Variants in CLDN2 observed in about 807,000 individuals in gnomAD.
CLDN2 encodes the protein claudin 2, also known as claudin-2.
In CLDN2, 1 loss-of-function variant was observed where a neutral mutation model predicts 8.2. The ratio of observed to expected loss-of-function variants is 0.12; its 90% CI spans 0.04 to 0.58. CLDN2 has a LOEUF of 0.58. CLDN2 is among the 20% of genes least tolerant of loss of function. CLDN2 has a pLI of 0.90. For missense variants in CLDN2, 108 were observed against 172.9 expected (o/e 0.62, Z 2.11); for synonymous variants, 70 against 70.2 (o/e 1.00, Z 0.01).
chrX:106,925,343 C>T (rs1019713840), intron 1 of CLDN2, among the ~76,000 whole-genome samples: 3 of 112,209 alleles, frequency 2.7e-5, no homozygotes, highest in Non-Finnish European at 1.9e-5. Flanking sequence ...GACATCTGTG[C>T]TGAATCCTAA....
chrX:106,905,628 A>G (rs1933168807), intron 1 of CLDN2, among the ~76,000 whole-genome samples: 1 of 111,547 alleles, frequency 9.0e-6, no homozygotes, highest in African/African-American at 3.3e-5. Flanking sequence ...GAAGCACAAC[A>G]CCTGTTGTCA....
At chrX:106,917,152 G>A (rs1025762630), upstream of CLDN2, among the ~76,000 whole-genome samples, 3 of 112,380 alleles carry the variant, frequency 2.7e-5, no homozygotes, top group Non-Finnish European at 3.8e-5. Context: ...TTTGGAAGTC[G>A]TCAGATGATA....
intron 1 of CLDN2, chrX:106,903,034 T>C: frequency 1.0e-6 from 1 of 959,043 alleles, no homozygotes; most frequent in Non-Finnish European, 1.5e-6. Context: ...GCTTTTCCCC[T>C]TCACAGAGAA....
At chrX:106,905,557 C>T in intron 1 of CLDN2, among the ~76,000 whole-genome samples, 1 of 111,618 alleles carries the variant, frequency 9.0e-6, no homozygotes, top group Non-Finnish European at 1.9e-5. Flanking sequence ...AGGAGTGTGG[C>T]TCAGAGAGGG....
chrX:106,919,315 T>C (rs1023516385), upstream of CLDN2, among the ~76,000 whole-genome samples: 2 of 112,135 alleles, frequency 1.8e-5, no homozygotes, highest in South Asian at 3.8e-4. Flanking sequence ...TAATTCATTT[T>C]CTGAATTCTT....
At chrX:106,900,923 G>A in intron 1 of CLDN2, 2 of 1,205,698 alleles carry the variant, frequency 1.7e-6, no homozygotes, top group Non-Finnish European at 2.2e-6. Context: ...GGACAGAGAA[G>A]AAACATGGCC....
chrX:106,901,132 G>T (rs1933086959), intron 1 of CLDN2, among the ~76,000 whole-genome samples: 1 of 112,076 alleles, frequency 8.9e-6, no homozygotes. Context: ...TGGGTCGGGG[G>T]CCAGCCCCAG....
chrX:106,916,214 C>T (rs763573608), upstream of CLDN2, among the ~76,000 whole-genome samples: 2 of 110,857 alleles, frequency 1.8e-5, no homozygotes, highest in African/African-American at 3.3e-5. Context: ...CAAGAGACCC[C>T]AGGAATCAGG....
chrX:106,928,450 C>T lies in CLDN2; in HGVS notation c.222C>T (p.Pro74=), dbSNP rs369821153. The T allele has an allele frequency of 1.2e-5, 15 of 1,210,011 alleles. No homozygotes were observed. Among genetic ancestry groups the T allele is most frequent in the Non-Finnish European group, 1.5e-5 (13 of 895,054 alleles). The part of the protein sequence containing the change: ...CDIYSTLLGL[P]ADIQAAQAMM... ...TCTATAGCACCCTTCTGGGCCTGCC[C>T]GCTGACATCCAGGCTGCCCAGGCCA... Residue 74 remains proline (P), a synonymous_variant, in exon 2 of 2, where the codon CCC becomes CCT. Coordinates refer to ENST00000336803, the MANE Select transcript of CLDN2 (RefSeq NM_020384.4).
At chrX:106,900,811 C>T (rs757293953) in intron 1 of CLDN2, 7 of 1,209,682 alleles carry the variant, frequency 5.8e-6, no homozygotes, top group East Asian at 3.0e-5. Context: ...TCTGAGTCCT[C>T]GTATAGGTTG....
rs751085480 is a variant in CLDN2 at position 106,928,851 on chromosome X, C to G, written c.623C>G (p.Ser208Cys). The change falls in exon 2 of 2, where the codon TCT (serine) becomes TGT (cysteine). Residue 208 changes from serine to cysteine, a missense_variant. This residue lies in a region of CLDN2 where 81 missense variants were observed against 100.8 expected (regional missense o/e 0.80). Transcript: ENST00000336803. ...YQAQPLATRSSPRPGQPPKVK... is the reference protein window; with the variant it reads ...YQAQPLATRSCPRPGQPPKVK... ...GCCCAACCTCTTGCCACAAGGAGCT[C>G]TCCAAGGCCTGGTCAACCTCCCAAA... 9.1e-6 allele frequency: 11 copies of G among 1,209,849 alleles called. No homozygotes were observed. Among genetic ancestry groups the G allele is most frequent in the Non-Finnish European group, 1.1e-5 (10 of 895,226 alleles).
At chrX:106,914,550 A>C (rs927285398), upstream of CLDN2, among the ~76,000 whole-genome samples, 7 of 111,909 alleles carry the variant, frequency 6.3e-5, no homozygotes, top group Non-Finnish European at 1.3e-4. Context: ...ATGAGAATCC[A>C]GCTGCCTTGT....
Position 106,907,208 on chromosome X carries a change from G to A in CLDN2, c.-179+6704G>A, listed in dbSNP as rs1406658042. Among the ~76,000 whole-genome samples the A allele has an allele frequency of 5.4e-5, 6 of 111,304 alleles. No homozygotes were observed. In the South Asian group the frequency reaches 1.2e-3, roughly 21 times the overall value. On this transcript the variant is annotated intron_variant, in intron 1 of 1. Transcript: ENST00000541806. The stretch of plus-strand genomic sequence containing the variant: ...CCCCTCTTTTGGCCTCCATGATCAC[G>A]CTTTCTTGGTTTTCCTCCTGCCTCT...
chrX:106,921,582 C>G (rs1377645418), intron 1 of CLDN2, among the ~76,000 whole-genome samples: 1 of 111,926 alleles, frequency 8.9e-6, no homozygotes, highest in Non-Finnish European at 1.9e-5. Context: ...TGCCCTGTCC[C>G]ATGTAGTCTT....
intron 1 of CLDN2, chrX:106,900,526 A>G: frequency 2.1e-6 from 1 of 484,695 alleles, no homozygotes. Flanking sequence ...TGAGCTGGGC[A>G]GCTAGATGAC....
Position 106,928,459 on chromosome X carries a change from C to T in CLDN2, c.231C>T (p.Ile77=). The T allele has an allele frequency of 8.3e-7, 1 of 1,211,635 alleles. No individual in the cohort carries two copies. Among genetic ancestry groups the T allele is most frequent in the Non-Finnish European group, 1.1e-6 (1 of 895,338 alleles). The change falls in exon 2 of 2, where the codon ATC becomes ATT. Residue 77 remains isoleucine, a synonymous_variant. Transcript: ENST00000336803. The part of the protein sequence containing the change: ...YSTLLGLPAD[I]QAAQAMMVTS... ...CCCTTCTGGGCCTGCCCGCTGACAT[C>T]CAGGCTGCCCAGGCCATGATGGTGA... is the stretch of plus-strand genomic sequence containing the variant.
chrX:106,910,438 C>T (rs1268486828), intron 1 of CLDN2, among the ~76,000 whole-genome samples: 1 of 110,632 alleles, frequency 9.0e-6, no homozygotes, highest in Non-Finnish European at 1.9e-5. Context: ...CGCAGTGGCT[C>T]ATGCCTGTAA....
At chrX:106,907,148 G>C (rs1944630024) in intron 1 of CLDN2, among the ~76,000 whole-genome samples, 1 of 111,324 alleles carries the variant, frequency 9.0e-6, no homozygotes, top group Admixed American at 9.5e-5. Flanking sequence ...GGTGGCAAAA[G>C]ACACTATTGG....
chrX:106,923,105 G>T (rs1187146963), intron 1 of CLDN2, among the ~76,000 whole-genome samples: 1 of 110,201 alleles, frequency 9.1e-6, no homozygotes, highest in Admixed American at 9.7e-5. Context: ...CTCCCTAGTA[G>T]CTGGGATTAC....
Sources: allele counts gnomAD v4.1 joint callset (sites outside exome capture counted in the v4.1 genomes callset), GRCh38; gene constraint gnomAD v4.1.1; regional missense constraint gnomAD v4.1.1; transcripts MANE v1.5; gene names NCBI Gene and HGNC (gene_info 2026-07-23, HGNC 2026-07-21).